N4BP2L2: variants seen among roughly 807,000 people sequenced by gnomAD.
N4BP2L2 encodes NEDD4-binding protein 2-like 2.
Under a neutral mutation model 56.2 loss-of-function variants are expected in N4BP2L2, and 50 were observed. The ratio of observed to expected loss-of-function variants is 0.89; its 90% CI spans 0.71 to 1.13. The LOEUF (loss-of-function observed/expected upper bound fraction) is 1.13. N4BP2L2 is among the 50% of genes most tolerant of loss of function. The pLI, the probability that N4BP2L2 is intolerant of heterozygous loss-of-function variation, is 0.00. For synonymous variants in N4BP2L2, 203 were observed against 223.6 expected (o/e 0.91, Z 0.82); for missense variants, 689 against 693.8 (o/e 0.99, Z 0.08).
chr13:32,450,514 C>A (rs8000768), intron 6 of N4BP2L2, among the ~76,000 whole-genome samples: 1 of 151,976 alleles, frequency 6.6e-6, no homozygotes, highest in Admixed American at 6.6e-5. Flanking sequence ...TTAGTAGAGA[C>A]GGGGTTTCAC....
exon 6 of N4BP2L2, chr13:32,516,492 A>C (rs1267797317): frequency 6.6e-6 from 1 of 152,194 alleles, no homozygotes; most frequent in Non-Finnish European, 1.5e-5. Context: ...TTTTGGCCTG[A>C]CAACTTAAAA....
rs774276832 is a variant in N4BP2L2 at position 32,444,125 on chromosome 13, C to A, written c.367G>T (p.Glu123Ter). ...TGCCCAGTTTTCTTCAAAACTCTTT[C>A]TCTGAAATATTAAAGAATTAAGAAA... The change falls in exon 7 of 10, where the codon GAA (glutamate) becomes TAA (stop). Residue 123 changes from glutamate (E) to a stop codon, truncating the protein, a stop_gained and splice_region_variant. Coordinates refer to the N4BP2L2 transcript ENST00000357505. LOFTEE classifies it high-confidence loss of function. 1.3e-6 allele frequency: 2 copies of A among 1,493,790 alleles called. No individual in the cohort carries two copies. The highest frequency in any genetic ancestry group is 2.8e-5 in the African/African-American group (2 of 71,320). 92.5% of individuals were successfully genotyped at this position (1,493,790 alleles called of 1,614,324 possible). A position where few individuals can be genotyped will look rare whatever the true frequency, so the allele number is the denominator to read the frequency against.
intron 6 of N4BP2L2, among the ~76,000 whole-genome samples, chr13:32,455,132 T>A (rs754160481): frequency 3.3e-5 from 5 of 152,174 alleles, no homozygotes; most frequent in African/African-American, 4.8e-5. Context: ...GAGAGCCTAG[T>A]CCATGCCATA....
chr13:32,471,404 T>TTA (rs933689357), intron 6 of N4BP2L2, among the ~76,000 whole-genome samples: 6 of 152,218 alleles, frequency 3.9e-5, no homozygotes, highest in African/African-American at 1.4e-4. Context: ...ACTCCACTTG[T>TTA]TATATAACCT....
intron 7 of N4BP2L2, among the ~76,000 whole-genome samples, chr13:32,439,128 A>G (rs2075882943): frequency 6.6e-6 from 1 of 152,226 alleles, no homozygotes; most frequent in South Asian, 2.1e-4. Context: ...TTGTACAAAC[A>G]CGGCTTATAA....
chr13:32,480,667 C>T, intron 6 of N4BP2L2: 1 of 1,261,328 alleles, frequency 7.9e-7, no homozygotes, highest in Non-Finnish European at 1.0e-6. Context: ...TTAGATTGTG[C>T]TTCACAACTT....
rs570411288 is a variant in N4BP2L2, at chr13:32,520,814, C to T, written c.1550+559G>A. Among the ~76,000 whole-genome samples the T allele has an allele frequency of 9.9e-5, 15 of 152,226 alleles. No homozygotes were observed. In the South Asian group the frequency reaches 2.5e-3, roughly 25 times the overall value. ...CAATTACTGAAATCTGGTTAAGCTGCGAAAACTCAGTTCTCCCTGACTCAT... is the reference window on the plus strand; with the variant it reads ...CAATTACTGAAATCTGGTTAAGCTGTGAAAACTCAGTTCTCCCTGACTCAT... On this transcript the variant is annotated intron_variant, in intron 5 of 5. Coordinates refer to ENST00000267068, the Ensembl canonical transcript of N4BP2L2.
Position 32,534,879 on chromosome 13 carries a change from A to G in N4BP2L2, c.1259+890T>C, listed in dbSNP as rs180893778. On this transcript the variant is annotated intron_variant, in intron 2 of 5. Coordinates refer to ENST00000267068, the Ensembl canonical transcript of N4BP2L2. ...AGATAATTTGTACTGCTTTCTTTACACTATTTTTTCACAACTGCATAAACA... is the reference window on the plus strand; with the variant it reads ...AGATAATTTGTACTGCTTTCTTTACGCTATTTTTTCACAACTGCATAAACA... 3.3e-5 allele frequency among the ~76,000 whole-genome samples: 5 copies of G among 152,314 alleles called. No individual in the cohort carries two copies. In the East Asian group the frequency reaches 9.6e-4, roughly 29 times the overall value.
chr13:32,486,677 A>AAATAATAAT (rs561649707), intron 6 of N4BP2L2, among the ~76,000 whole-genome samples: 52 of 151,192 alleles, frequency 3.4e-4, no homozygotes, highest in African/African-American at 1.2e-3. Flanking sequence ...CTTCATCTCA[A>AAATAATAAT]AATAATAATA....
At chr13:32,495,520 C>T (rs1177434545) in intron 6 of N4BP2L2, among the ~76,000 whole-genome samples, 1 of 152,158 alleles carries the variant, frequency 6.6e-6, no homozygotes, top group Non-Finnish European at 1.5e-5. Flanking sequence ...CTTTCCCACC[C>T]AGACGTGGGG....
At chr13:32,433,712 G>T (rs1003339412) in intron 9 of N4BP2L2, among the ~76,000 whole-genome samples, 27 of 151,600 alleles carry the variant, frequency 1.8e-4, no homozygotes, top group South Asian at 1.7e-3. Flanking sequence ...GAATCACGAG[G>T]TTAGGAGTTT....
intron 6 of N4BP2L2, chr13:32,505,002 T>A (rs1292472603): frequency 6.6e-6 from 1 of 152,336 alleles, no homozygotes; most frequent in Non-Finnish European, 1.5e-5. Context: ...TCTTCCCACC[T>A]AACAGGGGTG....
chr13:32,441,381 G>A (rs1294361131), intron 7 of N4BP2L2, among the ~76,000 whole-genome samples: 1 of 152,134 alleles, frequency 6.6e-6, no homozygotes, highest in Non-Finnish European at 1.5e-5. Flanking sequence ...CAAAATAAAG[G>A]TAGAAAGTAG....
chr13:32,534,493 C>G (rs2055970859), intron 2 of N4BP2L2, among the ~76,000 whole-genome samples: 1 of 152,068 alleles, frequency 6.6e-6, no homozygotes, highest in Non-Finnish European at 1.5e-5. Context: ...GAAGACAGCC[C>G]ATGTTTGTGA....
intron 6 of N4BP2L2, chr13:32,477,887 C>G: frequency 7.8e-7 from 1 of 1,289,390 alleles, no homozygotes; most frequent in Admixed American, 2.3e-5. Context: ...GTCAAATCAC[C>G]TCTCAAGAGA....
intron 6 of N4BP2L2, among the ~76,000 whole-genome samples, chr13:32,450,684 G>A (rs1322209391): frequency 6.7e-6 from 1 of 150,024 alleles, no homozygotes; most frequent in Non-Finnish European, 1.5e-5. Flanking sequence ...AGGCTGGAGT[G>A]CAGTGATGTG....
chr13:32,522,260 AGCTT>A lies in N4BP2L2; in HGVS notation c.1391_1394del (p.Gln464LeufsTer10). On this transcript the variant is annotated frameshift_variant, in exon 4 of 6. Coordinates refer to ENST00000267068, the Ensembl canonical transcript of N4BP2L2. LOFTEE classifies it high-confidence loss of function. ...TAACTGGAGATCTTCCCTGATCGAT[AGCTT>A]GTTTTGCTGAAATAAAATATAAATT... The A allele has an allele frequency of 6.5e-7, 1 of 1,531,920 alleles. No homozygotes were observed. The highest frequency in any genetic ancestry group is 8.8e-7 in the Non-Finnish European group (1 of 1,140,842). 94.9% of individuals were successfully genotyped at this position (1,531,920 alleles called of 1,614,324 possible). A position where few individuals can be genotyped will look rare whatever the true frequency, so the allele number is the denominator to read the frequency against.
In N4BP2L2 at chr13:32,448,787, G is replaced by A. The variant is rs372028631; in HGVS notation, c.366-4661C>T. Among the ~76,000 whole-genome samples the A allele has an allele frequency of 1.5e-4, 23 of 152,176 alleles. No homozygotes were observed. In the East Asian group the frequency reaches 3.3e-3, roughly 22 times the overall value. On this transcript the variant is annotated intron_variant, in intron 6 of 9. Coordinates refer to the N4BP2L2 transcript ENST00000357505. ...ATCCTATATACTAATTTATGATAAC[G>A]GGCAATAAATGAAGTAAATCTGAGA... is the stretch of plus-strand genomic sequence containing the variant.
chr13:32,443,829 G>T, exon 7 of N4BP2L2: 1 of 1,585,318 alleles, frequency 6.3e-7, no homozygotes, highest in Non-Finnish European at 8.6e-7. Context: ...TAACGTTTTG[G>T]AAACTGTCTT....
Sources: allele counts gnomAD v4.1 joint callset (sites outside exome capture counted in the v4.1 genomes callset), GRCh38; gene constraint gnomAD v4.1.1; transcripts MANE v1.5; gene names NCBI Gene and HGNC (gene_info 2026-07-23, HGNC 2026-07-21).